The following PLXDC2 variants were observed in gnomAD, a reference collection of about 807,000 sequenced individuals.
PLXDC2 encodes the protein plexin domain-containing protein 2.
In PLXDC2, 40 loss-of-function variants were observed where a neutral mutation model predicts 68.9. That is an observed-to-expected ratio of 0.58 (90% CI 0.45 to 0.76). The LOEUF is 0.76. PLXDC2 is among the 30% of genes least tolerant of loss of function. PLXDC2 has a pLI of 0.00. For synonymous variants in PLXDC2, 243 were observed against 234.2 expected (o/e 1.04, Z -0.34); for missense variants, 644 against 661.9 (o/e 0.97, Z 0.30).
Position 20,217,595 on chromosome 10 carries a change from G to GTTTTT in PLXDC2, c.1273+19_1273+20insTTTTT. On this transcript the variant is annotated intron_variant, in intron 11 of 13. Coordinates refer to ENST00000377252, the MANE Select transcript of PLXDC2 (RefSeq NM_032812.9). ...ACAGAAGGTACCCAAGAGATAGTTT[G>GTTTTT]CTTTTTTTTTTTTTTTTTTTTTTTT... The GTTTTT allele has an allele frequency of 1.9e-5, 5 of 262,546 alleles. No homozygotes were observed. The Admixed American group carries it at 3.9e-4, about 20-fold the overall frequency. The allele number at this position is 262,546 out of a possible 1,614,324, so 16.3% of individuals were successfully genotyped here.
chr10:20,082,702 T>C (rs999740292), intron 4 of PLXDC2, among the ~76,000 whole-genome samples: 2 of 152,218 alleles, frequency 1.3e-5, no homozygotes, highest in African/African-American at 2.4e-5. Context: ...CGTAAAAATG[T>C]ATCTTGTAGG....
chr10:19,827,834 C>T (rs1466336656), intron 1 of PLXDC2, among the ~76,000 whole-genome samples: 1 of 152,160 alleles, frequency 6.6e-6, no homozygotes, highest in Non-Finnish European at 1.5e-5. Flanking sequence ...GCTGGGATTA[C>T]AGACATGAGC....
At chr10:20,266,036 A>G (rs1427448513) in intron 13 of PLXDC2, among the ~76,000 whole-genome samples, 1 of 152,206 alleles carries the variant, frequency 6.6e-6, no homozygotes. Context: ...TGAGCAAGAG[A>G]TAAACTTCTA....
chr10:20,168,629 T>C (rs908496011), intron 7 of PLXDC2, among the ~76,000 whole-genome samples: 6 of 152,296 alleles, frequency 3.9e-5, no homozygotes, highest in African/African-American at 1.4e-4. Flanking sequence ...TTTGTAAATC[T>C]TTAGAAACAG....
intron 12 of PLXDC2, 135 bp downstream of exon 12, chr10:20,219,237 TG>T: frequency 1.1e-6 from 1 of 916,000 alleles, no homozygotes; most frequent in Non-Finnish European, 1.6e-6. Flanking sequence ...GGATTTAACA[TG>T]GGAAGGAGTC....
intron 1 of PLXDC2, among the ~76,000 whole-genome samples, chr10:19,924,289 C>A (rs1833505287): frequency 1.3e-5 from 2 of 152,164 alleles, no homozygotes; most frequent in Non-Finnish European, 1.5e-5. Flanking sequence ...AAACCTGGGA[C>A]CAGGCTCTAG....
intron 2 of PLXDC2, among the ~76,000 whole-genome samples, chr10:20,014,867 T>C (rs1835183010): frequency 6.6e-6 from 1 of 150,886 alleles, no homozygotes; most frequent in Non-Finnish European, 1.5e-5. Flanking sequence ...TTAAGGACAA[T>C]GTTGAAACAT....
chr10:19,912,764 A>T (rs1433055140), intron 1 of PLXDC2, among the ~76,000 whole-genome samples: 4 of 152,210 alleles, frequency 2.6e-5, no homozygotes, highest in Non-Finnish European at 5.9e-5. Context: ...AATGACAACA[A>T]TTAAATATGA....
chr10:20,236,294 A>T (rs1240459237), intron 12 of PLXDC2, among the ~76,000 whole-genome samples: 1 of 152,008 alleles, frequency 6.6e-6, no homozygotes, highest in Non-Finnish European at 1.5e-5. Context: ...GTACAAAAAA[A>T]GTTAGCCAGG....
chr10:19,997,889 T>A (rs1834868289), intron 1 of PLXDC2, among the ~76,000 whole-genome samples: 1 of 152,234 alleles, frequency 6.6e-6, no homozygotes, highest in Non-Finnish European at 1.5e-5. Flanking sequence ...CTCAAGAATG[T>A]GTTAAGATCA....
intron 4 of PLXDC2, among the ~76,000 whole-genome samples, chr10:20,136,541 A>G (rs1833935580): frequency 6.6e-6 from 1 of 152,230 alleles, no homozygotes; most frequent in Admixed American, 6.5e-5. Flanking sequence ...TCAATTCTTC[A>G]TGAATAGAAG....
chr10:20,129,894 T>C (rs1833845298), intron 4 of PLXDC2, among the ~76,000 whole-genome samples: 1 of 152,086 alleles, frequency 6.6e-6, no homozygotes, highest in African/African-American at 2.4e-5. Flanking sequence ...CCAGAACCAT[T>C]CTGTTTTGAT....
At chr10:19,874,992 C>T (rs962545660) in intron 1 of PLXDC2, among the ~76,000 whole-genome samples, 4 of 152,146 alleles carry the variant, frequency 2.6e-5, no homozygotes, top group East Asian at 1.9e-4. Context: ...GAGGAAACCT[C>T]GTCATGGGGC....
intron 2 of PLXDC2, among the ~76,000 whole-genome samples, chr10:20,011,216 T>C (rs1835108996): frequency 6.6e-6 from 1 of 152,110 alleles, no homozygotes; most frequent in South Asian, 2.1e-4. Context: ...CCATTGAGTA[T>C]GGGCTGGAAC....
chr10:19,940,559 AAAC>A lies in PLXDC2; in HGVS notation c.113-61213_113-61211del, dbSNP rs1268124179. Among the ~76,000 whole-genome samples, 659 of 151,118 alleles carry A rather than the reference AAAC, an allele frequency of 4.4e-3. 4 individuals are homozygous for A. Among genetic ancestry groups the A allele is most frequent in the African/African-American group, 0.016 (635 of 40,692 alleles). ...CTTATTTGATTGTGCAAAAAAAAAA[AAAC>A]AAACAATTTTTCTTGGATGTTCAAC... On this transcript the variant is annotated intron_variant, in intron 1 of 13. Transcript: ENST00000377252.
intron 2 of PLXDC2, among the ~76,000 whole-genome samples, chr10:20,034,605 T>C (rs1381949333): frequency 1.3e-5 from 2 of 152,230 alleles, no homozygotes; most frequent in Non-Finnish European, 2.9e-5. Context: ...TTGAGATCTC[T>C]AATGTTTGAG....
At chr10:20,253,132 A>G (rs992554717) in intron 13 of PLXDC2, among the ~76,000 whole-genome samples, 1 of 152,062 alleles carries the variant, frequency 6.6e-6, no homozygotes, top group African/African-American at 2.4e-5. Context: ...TGGGAGACCG[A>G]GACGGGAGGG....
intron 3 of PLXDC2, among the ~76,000 whole-genome samples, chr10:20,055,404 A>G (rs1835980362): frequency 6.6e-6 from 1 of 151,976 alleles, no homozygotes; most frequent in South Asian, 2.1e-4. Flanking sequence ...CATATTGGAT[A>G]TATTTATTTT....
At chr10:19,826,556 A>G (rs1836574311) in intron 1 of PLXDC2, among the ~76,000 whole-genome samples, 1 of 152,216 alleles carries the variant, frequency 6.6e-6, no homozygotes, top group African/African-American at 2.4e-5. Flanking sequence ...TGAGGTTAAA[A>G]CAAATTTTAT....
Sources: allele counts gnomAD v4.1 joint callset (sites outside exome capture counted in the v4.1 genomes callset), GRCh38; gene constraint gnomAD v4.1.1; transcripts MANE v1.5; gene names NCBI Gene and HGNC (gene_info 2026-07-23, HGNC 2026-07-21).